Variants in BTBD19 observed in about 807,000 individuals in gnomAD.
The protein encoded by BTBD19 is BTB/POZ domain-containing protein 19.
Under a neutral mutation model 36.1 loss-of-function variants are expected in BTBD19, and 20 were observed. The observed-to-expected ratio is 0.55, with a 90% CI of 0.39 to 0.80. The LOEUF (loss-of-function observed/expected upper bound fraction) is 0.80. Among genes scored for constraint, BTBD19 ranks in the 30% least tolerant of loss-of-function variants. The pLI, the probability that BTBD19 is intolerant of heterozygous loss-of-function variation, is 0.00. For missense variants in BTBD19, 325 were observed against 389.8 expected (o/e 0.83, Z 1.40); for synonymous variants, 157 against 174.3 (o/e 0.90, Z 0.78).
intron 1 of BTBD19, among the ~76,000 whole-genome samples, chr1:44,809,590 G>A (rs544619182): frequency 6.6e-6 from 1 of 152,336 alleles, no homozygotes; most frequent in East Asian, 1.9e-4. Flanking sequence ...CTTTGGACCT[G>A]GGACTAAGAG....
At chr1:44,814,231 C>CTTCTTTTTCTTTCTTTCTCT (rs1652618695), downstream of BTBD19, 1 of 82,900 alleles carries the variant, frequency 1.2e-5, no homozygotes, top group African/African-American at 4.4e-5. Context: ...TTTCTCTTTC[C>CTTCTTTTTCTTTCTTTCTCT]TTCCTTCCTT....
chr1:44,814,150 CTTT>C (rs1652586255), downstream of BTBD19: 16 of 67,228 alleles, frequency 2.4e-4, no homozygotes, highest in Non-Finnish European at 3.5e-4. Flanking sequence ...TTTTCTTTCT[CTTT>C]CTTTCTTTCT....
Position 44,813,538 on chromosome 1 carries a change from G to A in BTBD19, c.741+39G>A. 6.5e-7 allele frequency: 1 copy of A among 1,543,648 alleles called. No homozygotes were observed. Among genetic ancestry groups the A allele is most frequent in the Non-Finnish European group, 8.8e-7 (1 of 1,142,114 alleles). ...GAACCGGCCCAGCTCCACTCAGCAG[G>A]GGGTACAGGGCGCTGGGAGGGGGCA... On this transcript the variant is annotated intron_variant, in intron 7 of 7. Coordinates refer to ENST00000450269, the Ensembl canonical transcript of BTBD19. This position sits in a 1 kb window ranked among gnomAD's most constrained non-coding sequence, Gnocchi z 7.8.
rs949886545 is a variant in BTBD19 at position 44,813,720 on chromosome 1, G to T, written c.824G>T (p.Arg275Ile). Residue 275 changes from arginine (R) to isoleucine (I), a missense_variant, in exon 8 of 8, where the codon AGA (arginine) becomes ATA (isoleucine). Transcript: ENST00000450269. The surrounding 1 kb of genome is among the most constrained non-coding windows in gnomAD (Gnocchi z 7.8). ...CGGGGCGCCCCGTGTCGCCGCCGGA[G>T]AGGCACCCTGCCCCGGGAGCATCAC... 2.6e-6 allele frequency: 4 copies of T among 1,551,522 alleles called. No homozygotes were observed. Among genetic ancestry groups the T allele is most frequent in the Non-Finnish European group, 3.5e-6 (4 of 1,146,866 alleles).
chr1:44,812,698 CA>C (rs932859959), intron 4 of BTBD19, among the ~76,000 whole-genome samples: 2 of 151,412 alleles, frequency 1.3e-5, no homozygotes, highest in Non-Finnish European at 2.9e-5. Context: ...GACTCTGCCT[CA>C]AAAAAAATCA....
At position 44,810,653 on chromosome 1, in the gene BTBD19, C is replaced by T. The variant is rs372814586; in HGVS notation, c.354+46C>T. 2.6e-4 allele frequency: 390 copies of T among 1,488,962 alleles called. 2 individuals are homozygous for T. In the South Asian group the frequency reaches 3.5e-3, roughly 14 times the overall value. The allele number at this position is 1,488,962 out of a possible 1,614,324, so 92.2% of individuals were successfully genotyped here. A position where few individuals can be genotyped will look rare whatever the true frequency, so the allele number is the denominator to read the frequency against. ...CCTGTCTCATTTCCCTTGCTTCTCA[C>T]GGGCTCACTTCCCGCCCTGCCTCAC... On this transcript the variant is annotated intron_variant, in intron 3 of 7. Transcript: ENST00000450269. This position sits in a 1 kb window ranked among gnomAD's most constrained non-coding sequence, Gnocchi z 4.2.
Position 44,813,672 on chromosome 1 carries a change from C to T in BTBD19, c.776C>T (p.Ala259Val). The T allele has an allele frequency of 6.4e-7, 1 of 1,551,382 alleles. No homozygotes were observed. The highest frequency in any genetic ancestry group is 8.7e-7 in the Non-Finnish European group (1 of 1,146,794). ...ATTGTGGAGGCGTGGAAATGCCATG[C>T]CCTGCGGAGAGGGGATGAGGCCCGG... The change falls in exon 8 of 8, where the codon GCC becomes GTC. Residue 259 changes from alanine (A) to valine (V), a missense_variant. Ala to Val is a moderately conservative substitution (Grantham distance 64, BLOSUM62 0). Coordinates refer to ENST00000450269, the Ensembl canonical transcript of BTBD19. This position sits in a 1 kb window ranked among gnomAD's most constrained non-coding sequence, Gnocchi z 7.8.
At chr1:44,814,221 T>C (rs1194543201), downstream of BTBD19, 13 of 129,090 alleles carry the variant, frequency 1.0e-4, no homozygotes, top group African/African-American at 4.4e-4. Context: ...TTTTTCTTTC[T>C]TTCTCTTTCC....
downstream of BTBD19, chr1:44,814,148 C>CTCTTCTTTCTT (rs1652584017): frequency 6.3e-6 from 1 of 159,090 alleles, no homozygotes; most frequent in Non-Finnish European, 1.2e-5. Context: ...CTTTTTCTTT[C>CTCTTCTTTCTT]TCTTTCTTTC....
Position 44,810,684 on chromosome 1 carries a change from C to A in BTBD19, c.354+77C>A, listed in dbSNP as rs1413492796. On this transcript the variant is annotated intron_variant, in intron 3 of 7. Coordinates refer to ENST00000450269, the Ensembl canonical transcript of BTBD19. This position sits in a 1 kb window ranked among gnomAD's most constrained non-coding sequence, Gnocchi z 4.2. ...CACTTCCCGCCCTGCCTCACACACA[C>A]TCTGGCCTGGAGAGGAACGTGTGCC... 9 of 1,393,752 alleles carry A rather than the reference C, an allele frequency of 6.5e-6. No individual in the cohort carries two copies. The highest frequency in any genetic ancestry group is 2.3e-4 in the Middle Eastern group (1 of 4,258). 86.3% of individuals were successfully genotyped at this position (1,393,752 alleles called of 1,614,324 possible).
exon 1 of BTBD19, chr1:44,808,598 C>A (rs1652244844): frequency 2.4e-6 from 1 of 408,402 alleles, no homozygotes; most frequent in Non-Finnish European, 4.4e-6. Flanking sequence ...CCAGCCTCAG[C>A]TTCTCCTGGC....
In BTBD19 at chr1:44,812,920, A is replaced by T. The variant is rs1298429606; in HGVS notation, c.415-76A>T. ...CAGCTAGGGCTAGGGTCAGGCTTGC[A>T]GTGGTGGGTCCCAGTGAGCAGGCTG... On this transcript the variant is annotated intron_variant, in intron 4 of 7. Transcript: ENST00000450269. The T allele has an allele frequency of 5.9e-6, 8 of 1,357,110 alleles. No homozygotes were observed. In the South Asian group the frequency reaches 9.9e-5, roughly 17 times the overall value. 84.1% of individuals were successfully genotyped at this position (1,357,110 alleles called of 1,614,324 possible).
downstream of BTBD19, chr1:44,814,206 C>CT (rs1245870697): frequency 7.3e-6 from 1 of 137,034 alleles, no homozygotes; most frequent in Non-Finnish European, 1.5e-5. Flanking sequence ...TTCTTTCTTT[C>CT]TTTCTTTTTC....
rs1452574723 is a variant in BTBD19, at chr1:44,810,187, G to A, written c.87-26G>A. The A allele has an allele frequency of 3.9e-6, 6 of 1,538,216 alleles. No individual in the cohort carries two copies. The highest frequency in any genetic ancestry group is 1.2e-5 in the South Asian group (1 of 83,774). ...CACTCCGGGTGCTGGCCTCCTCCCC[G>A]CTGCCTCTCTGCCTGTCTCCCACAG... is the stretch of plus-strand genomic sequence containing the variant. On this transcript the variant is annotated intron_variant, in intron 1 of 7. Coordinates refer to ENST00000450269, the Ensembl canonical transcript of BTBD19. The surrounding 1 kb of genome is among the most constrained non-coding windows in gnomAD (Gnocchi z 4.2).
chr1:44,808,530 CTT>C (rs2148860945), exon 1 of BTBD19: 2 of 298,816 alleles, frequency 6.7e-6, no homozygotes, highest in South Asian at 1.5e-4. Flanking sequence ...GCCAGGGCCT[CTT>C]TCGCCGCCGC....
intron 4 of BTBD19, 109 bp from the exon 5 acceptor site, chr1:44,812,887 A>G: frequency 9.7e-7 from 1 of 1,035,074 alleles, no homozygotes; most frequent in Non-Finnish European, 1.4e-6. Flanking sequence ...GGGCCCTGTC[A>G]GCCTCCCCAG....
In BTBD19 at chr1:44,813,718, G is replaced by T. The variant is rs1455436665; in HGVS notation, c.822G>T (p.Arg274=). 5.2e-6 allele frequency: 8 copies of T among 1,551,382 alleles called. No homozygotes were observed. Among genetic ancestry groups the T allele is most frequent in the Admixed American group, 2.0e-5 (1 of 50,992 alleles). Residue 274 remains arginine, a synonymous_variant, in exon 8 of 8, where the codon CGG becomes CGT. Transcript: ENST00000450269. This position sits in a 1 kb window ranked among gnomAD's most constrained non-coding sequence, Gnocchi z 7.8. Reference sequence around the variant, plus strand: ...CCCGGGGCGCCCCGTGTCGCCGCCGGAGAGGCACCCTGCCCCGGGAGCATC... The same window carrying T: ...CCCGGGGCGCCCCGTGTCGCCGCCGTAGAGGCACCCTGCCCCGGGAGCATC...
downstream of BTBD19, chr1:44,814,491 A>T (rs1280351226): frequency 7.0e-6 from 1 of 142,046 alleles, no homozygotes; most frequent in Non-Finnish European, 1.5e-5. Context: ...GTAGAGACGG[A>T]GTTTCACCGT....
At chr1:44,814,163 T>TGTCTTTCTTTCC (rs1553163500), downstream of BTBD19, 1 of 132,004 alleles carries the variant, frequency 7.6e-6, no homozygotes, top group Non-Finnish European at 1.5e-5. Context: ...TCTTTCTTTC[T>TGTCTTTCTTTCC]TTCTTTCTTT....
Sources: gnomAD v4.1 joint callset for allele counts (sites outside exome capture counted in the v4.1 genomes callset) on GRCh38, gnomAD v4.1.1 for gene constraint, Gnocchi (gnomAD v3.1) non-coding constraint, MANE v1.5 for transcripts, NCBI Gene and HGNC (gene_info 2026-07-23, HGNC 2026-07-21) for gene names.